Variants in ARPC5 observed in about 807,000 individuals in gnomAD.
ARPC5 encodes actin-related protein 2/3 complex subunit 5.
In ARPC5, 5 loss-of-function variants were observed where a neutral mutation model predicts 15.4. The ratio of observed to expected loss-of-function variants is 0.32; its 90% CI spans 0.17 to 0.68. The LOEUF is 0.68. ARPC5 is among the 30% of genes least tolerant of loss of function. The pLI is 0.71. For missense variants in ARPC5, 138 were observed against 192.8 expected, an observed-to-expected ratio of 0.72 and a Z score of 1.68; for synonymous variants, 85 against 72.2, an observed-to-expected ratio of 1.18 and a Z score of -0.90.
chr1:183,631,890 C>T (rs1649278272), intron 2 of ARPC5: 1 of 152,202 alleles, frequency 6.6e-6, no homozygotes, highest in Admixed American at 6.5e-5. Context: ...TTCGTTTCTC[C>T]TTCCATTCAA....
intron 1 of ARPC5, among the ~76,000 whole-genome samples, chr1:183,634,911 CTTCT>C (rs1202515499): frequency 5.9e-4 from 71 of 120,254 alleles, no homozygotes; most frequent in Admixed American, 3.1e-3. Flanking sequence ...CCTTCTTCTT[CTTCT>C]TTTTTTTTTT....
rs202038953 is a variant in ARPC5 at position 183,635,555 on chromosome 1, G to A, written c.105C>T (p.Ala35=). The change falls in exon 1 of 4, where the codon GCC becomes GCT. Residue 35 remains alanine (A), a synonymous_variant. Transcript: ENST00000359856. ...AGTCCACCTCGCCCTCGTCGGGCCC[G>A]GCCTGGCCGTCGCCCCCATCTTCTT... ...VDEEDGGDGQ[A]GPDEGEVDSC... is the part of the protein sequence containing the mutation. 2.5e-6 allele frequency: 4 copies of A among 1,613,150 alleles called. No individual in the cohort carries two copies. Among genetic ancestry groups the A allele is most frequent in the East Asian group, 2.2e-5 (1 of 44,838 alleles).
chr1:183,625,664 T>C lies in ARPC5; in HGVS notation c.*1868A>G, dbSNP rs892733830. On this transcript the variant is annotated 3_prime_UTR_variant, in exon 4 of 4. Coordinates refer to ENST00000359856, the MANE Select transcript of ARPC5 (RefSeq NM_005717.4). Reference sequence around the variant, plus strand: ...GGCCTCAGTGCACTATGATCACACCTGTGAACAGCCACTGCACTCCAGCCT... The same window carrying C: ...GGCCTCAGTGCACTATGATCACACCCGTGAACAGCCACTGCACTCCAGCCT... 1 of 152,214 alleles carries C rather than the reference T, an allele frequency of 6.6e-6. No homozygotes were observed. The highest frequency in any genetic ancestry group is 2.4e-5 in the African/African-American group (1 of 41,454). 9.4% of individuals were successfully genotyped at this position (152,214 alleles called of 1,614,324 possible).
rs1311281692 is a variant in ARPC5, at chr1:183,627,350, T to G, written c.*182A>C. On this transcript the variant is annotated 3_prime_UTR_variant, in exon 4 of 4. Coordinates refer to ENST00000359856, the MANE Select transcript of ARPC5 (RefSeq NM_005717.4). ...CTATTTTAACACAATTTCTTCTATA[T>G]TATCCCAATTTTCATTAAAGGACAA... The G allele has an allele frequency of 1.5e-6, 1 of 650,814 alleles. No individual in the cohort carries two copies. The highest frequency in any genetic ancestry group is 2.8e-6 in the Non-Finnish European group (1 of 356,956). The allele number at this position is 650,814 out of a possible 1,614,324, so 40.3% of individuals were successfully genotyped here.
At chr1:183,629,339 T>C (rs989038802) in intron 3 of ARPC5, among the ~76,000 whole-genome samples, 1 of 152,246 alleles carries the variant, frequency 6.6e-6, no homozygotes, top group Non-Finnish European at 1.5e-5. Flanking sequence ...AAGATATTTA[T>C]ATACTTCACA....
chr1:183,631,172 CTATT>C, intron 2 of ARPC5: 1 of 152,192 alleles, frequency 6.6e-6, no homozygotes, highest in East Asian at 1.9e-4. Context: ...ACTAGACAGA[CTATT>C]AACATAATTG....
intron 2 of ARPC5, 165 bp from the exon 3 acceptor site, chr1:183,630,802 G>C (rs1387127783): frequency 1.6e-6 from 1 of 615,830 alleles, no homozygotes; most frequent in Admixed American, 3.2e-5. Context: ...GGAAAGAACA[G>C]TGCTATTAGT....
intron 3 of ARPC5, 113 bp downstream of exon 3, chr1:183,630,348 G>C: frequency 2.3e-6 from 2 of 868,850 alleles, no homozygotes; most frequent in Non-Finnish European, 3.3e-6. Context: ...CATTTTATTT[G>C]TAATAACAAA....
chr1:183,625,615 G>A lies in ARPC5; in HGVS notation c.*1917C>T, dbSNP rs1185390588. ...CCACCTTTTCGGGAGGCTGAGGCAG[G>A]ACTGCTTGAAGCCAGGAGTTTGAGG... On this transcript the variant is annotated 3_prime_UTR_variant, in exon 4 of 4. Coordinates refer to ENST00000359856, the MANE Select transcript of ARPC5 (RefSeq NM_005717.4). 6.6e-6 allele frequency: 1 copy of A among 152,248 alleles called. No individual in the cohort carries two copies. Among genetic ancestry groups the A allele is most frequent in the African/African-American group, 2.4e-5 (1 of 41,452 alleles). 9.4% of individuals were successfully genotyped at this position (152,248 alleles called of 1,614,324 possible).
In ARPC5 at chr1:183,622,990, A is replaced by G. The variant is rs943038019; in HGVS notation, c.*4542T>C. ...TTTCTTAGGTGACTTGGCTCGTTCA[A>G]TGTTATGCAACCAAGAGATATTTGT... On this transcript the variant is annotated 3_prime_UTR_variant, in exon 4 of 4. Coordinates refer to ENST00000359856, the MANE Select transcript of ARPC5 (RefSeq NM_005717.4). 8 of 168,520 alleles carry G rather than the reference A, an allele frequency of 4.7e-5. No homozygotes were observed. The highest frequency in any genetic ancestry group is 2.9e-3 in the Middle Eastern group (1 of 342). The allele number at this position is 168,520 out of a possible 1,614,324, so 10.4% of individuals were successfully genotyped here.
rs1293543616 is a variant in ARPC5, at chr1:183,627,550, A to G, written c.438T>C (p.Thr146=). The change falls in exon 4 of 4, where the codon ACT becomes ACC. Residue 146 remains threonine (T), a synonymous_variant. Transcript: ENST00000359856. ...GGVGSIVRVL[T]ARKTV is the part of the protein sequence containing the mutation. ...TGCCAGACTACACAGTTTTTCTTGCAGTCAAGACACGAACAATGGACCCTA... is the reference window on the plus strand; with the variant it reads ...TGCCAGACTACACAGTTTTTCTTGCGGTCAAGACACGAACAATGGACCCTA... 1 of 1,614,152 alleles carries G rather than the reference A, an allele frequency of 6.2e-7. No individual in the cohort carries two copies. The highest frequency in any genetic ancestry group is 8.5e-7 in the Non-Finnish European group (1 of 1,179,992).
rs557654542 is a variant in ARPC5, at chr1:183,622,394, A to C, written c.*5138T>G. 6 of 152,250 alleles carry C rather than the reference A, an allele frequency of 3.9e-5. No homozygotes were observed. The highest frequency in any genetic ancestry group is 8.8e-5 in the Non-Finnish European group (6 of 68,044). 9.4% of individuals were successfully genotyped at this position (152,250 alleles called of 1,614,324 possible). ...AACTTAGCAAATTGAAGAAAATCTT[A>C]GTTGCCCTGGCATCTTGATTCAATT... On this transcript the variant is annotated 3_prime_UTR_variant, in exon 4 of 4. Coordinates refer to ENST00000359856, the MANE Select transcript of ARPC5 (RefSeq NM_005717.4).
Position 183,623,318 on chromosome 1 carries a change from G to A in ARPC5, c.*4214C>T. ...ACACTCAAGTAACAGAAATGATAAA[G>A]GAAAATAGAAATGTTAAAGTGAATG... On this transcript the variant is annotated 3_prime_UTR_variant, in exon 4 of 4. Transcript: ENST00000359856. 1 of 1,090,430 alleles carries A rather than the reference G, an allele frequency of 9.2e-7. No homozygotes were observed. Among genetic ancestry groups the A allele is most frequent in the Non-Finnish European group, 1.4e-6 (1 of 737,548 alleles). 67.5% of individuals were successfully genotyped at this position (1,090,430 alleles called of 1,614,324 possible).
Position 183,623,296 on chromosome 1 carries a change from C to T in ARPC5, c.*4236G>A. On this transcript the variant is annotated 3_prime_UTR_variant, in exon 4 of 4. Coordinates refer to ENST00000359856, the MANE Select transcript of ARPC5 (RefSeq NM_005717.4). ...TATTTATGTTGATTACTCTTACACA[C>T]TCAAGTAACAGAAATGATAAAGGAA... 1.1e-6 allele frequency: 1 copy of T among 870,142 alleles called. No homozygotes were observed. The highest frequency in any genetic ancestry group is 1.6e-5 in the South Asian group (1 of 63,064). The allele number at this position is 870,142 out of a possible 1,614,324, so 53.9% of individuals were successfully genotyped here. A position where few individuals can be genotyped will look rare whatever the true frequency, so the allele number is the denominator to read the frequency against.
At chr1:183,630,789 A>T (rs1649241382) in intron 2 of ARPC5, 152 bp from the exon 3 acceptor site, 1 of 700,160 alleles carries the variant, frequency 1.4e-6, no homozygotes, top group Admixed American at 3.0e-5. Context: ...TGTTTCAGAC[A>T]GAGGAAAGAA....
intron 1 of ARPC5, among the ~76,000 whole-genome samples, chr1:183,634,255 A>AT (rs1326068538): frequency 6.6e-6 from 1 of 152,258 alleles, no homozygotes; most frequent in South Asian, 2.1e-4. Flanking sequence ...AGATTAGCTC[A>AT]TTTTTTATAA....
Position 183,625,874 on chromosome 1 carries a change from G to A in ARPC5, c.*1658C>T, listed in dbSNP as rs1295765706. On this transcript the variant is annotated 3_prime_UTR_variant, in exon 4 of 4. Coordinates refer to ENST00000359856, the MANE Select transcript of ARPC5 (RefSeq NM_005717.4). ...TAAGTACAAGAAATAGATTTGAGGT[G>A]AAAGAAAGAGAATTTTGGAGGCTGG... is the stretch of plus-strand genomic sequence containing the variant. 6.6e-6 allele frequency: 1 copy of A among 152,216 alleles called. No homozygotes were observed. Among genetic ancestry groups the A allele is most frequent in the East Asian group, 1.9e-4 (1 of 5,200 alleles). 9.4% of individuals were successfully genotyped at this position (152,216 alleles called of 1,614,324 possible). A position where few individuals can be genotyped will look rare whatever the true frequency, so the allele number is the denominator to read the frequency against.
Position 183,623,236 on chromosome 1 carries a change from TG to T in ARPC5, c.*4295del. ...TCATGTGGTGTGGATTCTAGGGAACTGTTTCAGAGAGAAATAAGAGATGTAA... is the reference window on the plus strand; with the variant it reads ...TCATGTGGTGTGGATTCTAGGGAACTTTTCAGAGAGAAATAAGAGATGTAA... On this transcript the variant is annotated 3_prime_UTR_variant, in exon 4 of 4. Transcript: ENST00000359856. 1 of 618,096 alleles carries T rather than the reference TG, an allele frequency of 1.6e-6. No individual in the cohort carries two copies. 38.3% of individuals were successfully genotyped at this position (618,096 alleles called of 1,614,324 possible).
At chr1:183,630,410 A>C (rs1175779095) in intron 3 of ARPC5, 51 bp downstream of exon 3, 1 of 1,412,014 alleles carries the variant, frequency 7.1e-7, no homozygotes, top group Non-Finnish European at 9.6e-7. Context: ...TGTCATTGTC[A>C]TTCCCTATTG....
Sources: allele counts gnomAD v4.1 joint callset (sites outside exome capture counted in the v4.1 genomes callset), GRCh38; gene constraint gnomAD v4.1.1; transcripts MANE v1.5; gene names NCBI Gene and HGNC (gene_info 2026-07-23, HGNC 2026-07-21).